OXR1: variants seen among roughly 807,000 people sequenced by gnomAD.
OXR1 encodes the protein oxidation resistance protein 1.
In OXR1, 41 loss-of-function variants were observed where a neutral mutation model predicts 104.6. The ratio of observed to expected loss-of-function variants is 0.39; its 90% CI spans 0.31 to 0.51. OXR1 has a LOEUF of 0.51. Ranked by LOEUF, OXR1 falls within the 20% of genes least tolerant of loss-of-function variation. The pLI is 0.77. For synonymous variants in OXR1, 348 were observed against 348.4 expected, an observed-to-expected ratio of 1.00 and a Z score of 0.01; for missense variants, 955 against 1,031.9, an observed-to-expected ratio of 0.93 and a Z score of 1.02.
In OXR1 at chr8:106,412,509, A is replaced by G. The variant is rs191264147; in HGVS notation, c.23+52873A>G. Among the ~76,000 whole-genome samples the G allele has an allele frequency of 2.3e-3, 344 of 152,244 alleles. 3 individuals carry two copies. The highest frequency in any genetic ancestry group is 3.7e-3 in the Admixed American group (56 of 15,268). On this transcript the variant is annotated intron_variant, in intron 2 of 16. Coordinates refer to ENST00000517566, the MANE Select transcript of OXR1 (RefSeq NM_001198533.2). ...CAAACAGACCTTTGGGCTGTAAACA[A>G]TTCCTACGTAAGTATTCTTATCAAT...
rs193048228 is a variant in OXR1 at position 106,277,814 on chromosome 8, A to G, written c.-139+7447A>G. On this transcript the variant is annotated intron_variant, in intron 1 of 16. Coordinates refer to ENST00000517566, the MANE Select transcript of OXR1 (RefSeq NM_001198533.2). ...CAGTCTCTTCCTGTACCTTTTACAG[A>G]TGAAAGAGGAAGCTGCTGTTCCTAG... is the stretch of plus-strand genomic sequence containing the variant. Among the ~76,000 whole-genome samples the G allele has an allele frequency of 4.6e-5, 7 of 152,338 alleles. No homozygotes were observed. In the East Asian group the frequency reaches 1.3e-3, roughly 29 times the overall value.
intron 2 of OXR1, among the ~76,000 whole-genome samples, chr8:106,413,348 G>T (rs962040156): frequency 3.3e-4 from 50 of 152,148 alleles, no homozygotes; most frequent in African/African-American, 1.2e-3. Flanking sequence ...CAGAATTAAC[G>T]ATCCCTTGCC....
In OXR1 at chr8:106,737,582, A is replaced by G. The variant is rs749975886; in HGVS notation, c.2019A>G (p.Thr673=). ...IDALNTEELR[T]LCRRLQITTR... ...CTCTAAATACTGAAGAACTGCGCACACTCTGCAGACGCCTCCAGGTGCCCC... is the reference window on the plus strand; with the variant it reads ...CTCTAAATACTGAAGAACTGCGCACGCTCTGCAGACGCCTCCAGGTGCCCC... Residue 673 remains threonine (T), a synonymous_variant, in exon 12 of 17, where the codon ACA becomes ACG. Coordinates refer to ENST00000517566, the MANE Select transcript of OXR1 (RefSeq NM_001198533.2). 9 of 1,416,276 alleles carry G rather than the reference A, an allele frequency of 6.4e-6. 1 individual carries two copies. The South Asian group carries it at 1.4e-4, about 23-fold the overall frequency. 87.7% of individuals were successfully genotyped at this position (1,416,276 alleles called of 1,614,324 possible).
intron 3 of OXR1, among the ~76,000 whole-genome samples, chr8:106,545,961 A>G (rs562605123): frequency 2.9e-4 from 43 of 150,740 alleles, no homozygotes; most frequent in Non-Finnish European, 3.4e-4. Flanking sequence ...GCACCACTGT[A>G]CTCCAGCCTT....
At chr8:106,507,634 G>A (rs1812258037) in intron 2 of OXR1, among the ~76,000 whole-genome samples, 1 of 152,170 alleles carries the variant, frequency 6.6e-6, no homozygotes, top group Admixed American at 6.5e-5. Flanking sequence ...AGAAATTAGA[G>A]GAAGGGAATG....
chr8:106,694,873 A>AATATATATATTTAATAG (rs1829785806), intron 7 of OXR1, among the ~76,000 whole-genome samples: 1 of 93,592 alleles, frequency 1.1e-5, no homozygotes, highest in Non-Finnish European at 2.1e-5. Flanking sequence ...ATTTATATAT[A>AATATATATATTTAATAG]ATATATATAT....
intron 2 of OXR1, among the ~76,000 whole-genome samples, chr8:106,435,888 T>C (rs1470118832): frequency 6.6e-6 from 1 of 152,134 alleles, no homozygotes; most frequent in Non-Finnish European, 1.5e-5. Flanking sequence ...TTGTTGGTCA[T>C]ACAAATATGA....
intron 3 of OXR1, among the ~76,000 whole-genome samples, chr8:106,666,056 T>C (rs951165453): frequency 1.3e-4 from 20 of 152,236 alleles, no homozygotes; most frequent in African/African-American, 4.6e-4. Flanking sequence ...TTTTAATTTT[T>C]TTAAACCCAT....
At chr8:106,702,677 C>T (rs1344166429) in intron 7 of OXR1, among the ~76,000 whole-genome samples, 1 of 152,014 alleles carries the variant, frequency 6.6e-6, no homozygotes. Context: ...CATTTTATTT[C>T]CTTACTTGAT....
intron 1 of OXR1, among the ~76,000 whole-genome samples, chr8:106,284,206 A>G (rs1226437237): frequency 6.6e-6 from 1 of 152,038 alleles, no homozygotes; most frequent in African/African-American, 2.4e-5. Flanking sequence ...AGAGGCGGTC[A>G]GCAGGTTGTG....
intron 3 of OXR1, among the ~76,000 whole-genome samples, chr8:106,582,860 C>T (rs1019630823): frequency 2.0e-5 from 3 of 152,146 alleles, no homozygotes; most frequent in African/African-American, 7.2e-5. Context: ...ATGGACCAAA[C>T]CAATGTCACA....
At chr8:106,695,883 G>T (rs1371192272) in intron 7 of OXR1, among the ~76,000 whole-genome samples, 1 of 151,888 alleles carries the variant, frequency 6.6e-6, no homozygotes, top group African/African-American at 2.4e-5. Context: ...GCAGAAATTA[G>T]AATTCATATT....
chr8:106,537,279 A>C (rs1814608548), intron 3 of OXR1, among the ~76,000 whole-genome samples: 1 of 152,230 alleles, frequency 6.6e-6, no homozygotes, highest in African/African-American at 2.4e-5. Flanking sequence ...TAGATGATGC[A>C]AAAGCTAGTA....
intron 2 of OXR1, among the ~76,000 whole-genome samples, chr8:106,445,858 A>G (rs1819992469): frequency 6.6e-6 from 1 of 152,222 alleles, no homozygotes; most frequent in African/African-American, 2.4e-5. Flanking sequence ...AGTGGCAAAA[A>G]TGAAATGTTT....
Position 106,358,951 on chromosome 8 carries a change from C to T in OXR1, c.-138-525C>T, listed in dbSNP as rs151314748. Among the ~76,000 whole-genome samples, 1,041 of 144,582 alleles carry T rather than the reference C, an allele frequency of 7.2e-3. 17 individuals are homozygous for T. Among genetic ancestry groups the T allele is most frequent in the African/African-American group, 0.026 (974 of 37,710 alleles). The allele number at this position is 144,582 out of a possible 152,430, so 94.9% of individuals were successfully genotyped here. ...TAATTTAGTGAATAATTTAATTCAC[C>T]GTCTTATTTAGCGAATAATTTAATT... On this transcript the variant is annotated intron_variant, in intron 1 of 16. Transcript: ENST00000517566.
intron 2 of OXR1, among the ~76,000 whole-genome samples, chr8:106,450,530 G>T (rs1198894132): frequency 1.3e-5 from 2 of 152,266 alleles, no homozygotes; most frequent in Middle Eastern, 3.4e-3. Context: ...AGGCAGCTCT[G>T]AAATCAACAC....
intron 3 of OXR1, chr8:106,658,266 G>A: frequency 8.2e-7 from 1 of 1,221,150 alleles, no homozygotes. Context: ...GGCGCCGGGC[G>A]GGGGTCGCTG....
At chr8:106,630,158 G>A (rs1030081576) in intron 3 of OXR1, among the ~76,000 whole-genome samples, 4 of 152,144 alleles carry the variant, frequency 2.6e-5, no homozygotes, top group East Asian at 1.9e-4. Context: ...GGGTCCTAGC[G>A]CTGCTACCAG....
At chr8:106,549,303 C>A (rs1815622313) in intron 3 of OXR1, among the ~76,000 whole-genome samples, 1 of 150,654 alleles carries the variant, frequency 6.6e-6, no homozygotes. Context: ...TCCAGGAAGG[C>A]AGGATTTATG....
Sources: allele counts gnomAD v4.1 joint callset (sites outside exome capture counted in the v4.1 genomes callset), GRCh38; gene constraint gnomAD v4.1.1; transcripts MANE v1.5; gene names NCBI Gene and HGNC (gene_info 2026-07-23, HGNC 2026-07-21).